Variants in EHBP1 observed in about 807,000 individuals in gnomAD.
The protein encoded by EHBP1 is EH domain-binding protein 1.
A neutral mutation model predicts 144.0 loss-of-function variants in EHBP1; 55 were observed. The ratio of observed to expected loss-of-function variants is 0.38; its 90% CI spans 0.31 to 0.48. EHBP1 has a LOEUF of 0.48. EHBP1 is among the 20% of genes least tolerant of loss of function. The probability of loss-of-function intolerance (pLI) is 0.98; values close to 1 mark genes in which losing one functional copy is unlikely to be tolerated. For missense variants in EHBP1, 1,200 were observed against 1,364.2 expected, an observed-to-expected ratio of 0.88 and a Z score of 1.90; for synonymous variants, 469 against 472.7, an observed-to-expected ratio of 0.99 and a Z score of 0.10.
chr2:63,010,046 G>A (rs182637999), intron 19 of EHBP1, among the ~76,000 whole-genome samples: 471 of 151,538 alleles, frequency 3.1e-3, no homozygotes, highest in Non-Finnish European at 3.8e-3. Flanking sequence ...AGTGATAAGG[G>A]GGGACTACTG....
intron 10 of EHBP1, among the ~76,000 whole-genome samples, chr2:62,905,312 T>A (rs944858162): frequency 4.6e-5 from 7 of 152,154 alleles, no homozygotes; most frequent in African/African-American, 1.4e-4. Context: ...AGGACAGCCA[T>A]GGTTACCATA....
chr2:62,788,962 G>A (rs1324808546), intron 5 of EHBP1, among the ~76,000 whole-genome samples: 1 of 152,204 alleles, frequency 6.6e-6, no homozygotes, highest in Non-Finnish European at 1.5e-5. Context: ...TAGGGAACAT[G>A]AGAGGAGTCA....
chr2:62,847,966 G>A (rs1024576132), intron 7 of EHBP1, among the ~76,000 whole-genome samples: 1 of 151,886 alleles, frequency 6.6e-6, no homozygotes, highest in Non-Finnish European at 1.5e-5. Context: ...CTACTAGAAT[G>A]GTTAAAATTT....
intron 14 of EHBP1, among the ~76,000 whole-genome samples, chr2:62,960,965 C>T (rs2057973448): frequency 6.6e-6 from 1 of 152,116 alleles, no homozygotes; most frequent in Admixed American, 6.5e-5. Flanking sequence ...CCAGCTTTTC[C>T]CATATCCTGG....
intron 2 of EHBP1, among the ~76,000 whole-genome samples, chr2:62,709,257 G>A (rs191218307): frequency 9.9e-5 from 15 of 152,214 alleles, no homozygotes; most frequent in African/African-American, 2.6e-4. Flanking sequence ...TTTCAGTTGG[G>A]GATCTGAGCA....
chr2:62,927,293 A>G (rs1318216398), intron 10 of EHBP1, among the ~76,000 whole-genome samples: 1 of 152,132 alleles, frequency 6.6e-6, no homozygotes, highest in African/African-American at 2.4e-5. Flanking sequence ...GTTATATACC[A>G]CTGTAGAATG....
chr2:62,968,397 A>G (rs574416721), intron 14 of EHBP1, among the ~76,000 whole-genome samples: 4 of 152,160 alleles, frequency 2.6e-5, no homozygotes, highest in Admixed American at 6.5e-5. Flanking sequence ...TGAACAGGAA[A>G]CGAAGTAAGA....
rs111738383 is a variant in EHBP1, at chr2:62,884,517, C to G, written c.1185+9985C>G. 7.9e-5 allele frequency among the ~76,000 whole-genome samples: 12 copies of G among 152,220 alleles called. 2 individuals are homozygous for G. The highest frequency in any genetic ancestry group is 2.9e-4 in the African/African-American group (12 of 41,538). Reference sequence around the variant, plus strand: ...CGCTTGGCAGGAAGGCTCCGGACCCCCTTTTCCATTTCTACTGTGCAAATC... The same window carrying G: ...CGCTTGGCAGGAAGGCTCCGGACCCGCTTTTCCATTTCTACTGTGCAAATC... On this transcript the variant is annotated intron_variant, in intron 10 of 22. Coordinates refer to ENST00000431489, the MANE Select transcript of EHBP1 (RefSeq NM_001142616.3).
At chr2:62,754,394 C>T (rs1225037513) in intron 3 of EHBP1, among the ~76,000 whole-genome samples, 1 of 152,212 alleles carries the variant, frequency 6.6e-6, no homozygotes, top group African/African-American at 2.4e-5. Flanking sequence ...AGGTTTCAGT[C>T]TGCCTCTACT....
intron 19 of EHBP1, among the ~76,000 whole-genome samples, chr2:63,003,088 A>G (rs2153229586): frequency 6.6e-6 from 1 of 152,178 alleles, no homozygotes; most frequent in African/African-American, 2.4e-5. Context: ...ACCTAGACTT[A>G]TAAGTTTGGT....
At chr2:62,942,101 C>T (rs1056875324) in intron 10 of EHBP1, among the ~76,000 whole-genome samples, 2 of 152,178 alleles carry the variant, frequency 1.3e-5, no homozygotes, top group African/African-American at 4.8e-5. Context: ...TTGAGCATAT[C>T]CAAAATACAT....
At chr2:63,022,366 G>A (rs1186171279) in intron 19 of EHBP1, among the ~76,000 whole-genome samples, 3 of 151,810 alleles carry the variant, frequency 2.0e-5, no homozygotes, top group Non-Finnish European at 2.9e-5. Flanking sequence ...ACAGGCTGGA[G>A]TGCAATGGCG....
At chr2:62,727,040 T>G (rs1191320561) in intron 2 of EHBP1, among the ~76,000 whole-genome samples, 1 of 152,208 alleles carries the variant, frequency 6.6e-6, no homozygotes, top group Non-Finnish European at 1.5e-5. Flanking sequence ...TTTTTGTATT[T>G]TTGGTAGACA....
rs1292377414 is a variant in EHBP1, at chr2:62,859,178, A to G, written c.644A>G (p.Asn215Ser). 3 of 1,611,746 alleles carry G rather than the reference A, an allele frequency of 1.9e-6. No individual in the cohort carries two copies. The highest frequency in any genetic ancestry group is 2.5e-6 in the Non-Finnish European group (3 of 1,178,446). The change falls in exon 8 of 23, where the codon AAC (asparagine) becomes AGC (serine). Residue 215 changes from asparagine (N) to serine (S), a missense_variant. By Grantham distance (46) the Asn-to-Ser change is conservative. Around this residue, in one of 6 missense-constraint regions of EHBP1, gnomAD observed 266 missense variants for 262.4 expected, o/e 1.01. Coordinates refer to ENST00000431489, the MANE Select transcript of EHBP1 (RefSeq NM_001142616.3). ...EKAAKITELI[N>S]KLNFLDEAEK... ...ATATGTTTATTTTCAGAGCTTATCA[A>G]CAAACTTAACTTTTTGGATGAAGCA...
At chr2:62,766,982 G>T (rs1470438615) in intron 4 of EHBP1, among the ~76,000 whole-genome samples, 1 of 146,534 alleles carries the variant, frequency 6.8e-6, no homozygotes. Flanking sequence ...AAAAAAAAAG[G>T]TTGCATTTGG....
At chr2:62,767,191 GATAC>G (rs1477766684) in intron 4 of EHBP1, among the ~76,000 whole-genome samples, 1 of 152,048 alleles carries the variant, frequency 6.6e-6, no homozygotes, top group African/African-American at 2.4e-5. Flanking sequence ...GTACTTTTAA[GATAC>G]ATACAGGTAT....
chr2:62,791,512 T>TA (rs2152454873), intron 5 of EHBP1, among the ~76,000 whole-genome samples: 1 of 152,138 alleles, frequency 6.6e-6, no homozygotes, highest in South Asian at 2.1e-4. Context: ...TTTTGGAAAA[T>TA]ACATTTTTGA....
At chr2:62,883,865 G>C (rs1263171832) in intron 10 of EHBP1, among the ~76,000 whole-genome samples, 1 of 152,166 alleles carries the variant, frequency 6.6e-6, no homozygotes, top group Non-Finnish European at 1.5e-5. Context: ...CAGTTACTTG[G>C]GAGGTTAAGG....
chr2:62,950,306 C>G (rs1321477349), intron 13 of EHBP1, among the ~76,000 whole-genome samples: 1 of 152,134 alleles, frequency 6.6e-6, no homozygotes, highest in Non-Finnish European at 1.5e-5. Flanking sequence ...TTATCACTCT[C>G]ATTCTCTCAC....
Sources: allele counts gnomAD v4.1 joint callset (sites outside exome capture counted in the v4.1 genomes callset), GRCh38; gene constraint gnomAD v4.1.1; regional missense constraint gnomAD v4.1.1; transcripts MANE v1.5; gene names NCBI Gene and HGNC (gene_info 2026-07-23, HGNC 2026-07-21).